TBC1D19: variants seen among roughly 807,000 people sequenced by gnomAD.
TBC1D19 encodes the protein TBC1 domain family, member 19.
TBC1D19 carries 60 observed loss-of-function variants against 89.0 expected under a neutral mutation model. The ratio of observed to expected loss-of-function variants is 0.67; its 90% CI spans 0.55 to 0.84. The LOEUF is 0.84. TBC1D19 is among the 40% of genes least tolerant of loss of function. The pLI is 0.00. For missense variants in TBC1D19, 500 were observed against 610.8 expected, an observed-to-expected ratio of 0.82 and a Z score of 1.91; for synonymous variants, 189 against 199.7, an observed-to-expected ratio of 0.95 and a Z score of 0.45.
chr4:26,691,516 C>T (rs1399569264), intron 13 of TBC1D19, among the ~76,000 whole-genome samples: 1 of 152,162 alleles, frequency 6.6e-6, no homozygotes, highest in Non-Finnish European at 1.5e-5. Context: ...CAGTTAGCAG[C>T]CATACACATT....
chr4:26,688,279 G>A (rs1409535508), intron 12 of TBC1D19, 66 bp from the exon 13 acceptor site: 2 of 1,482,682 alleles, frequency 1.3e-6, no homozygotes, highest in African/African-American at 1.4e-5. Flanking sequence ...AAATACATGT[G>A]TATGCTTTAG....
At chr4:26,840,237 A>T in the TBC1D19 span, among the ~76,000 whole-genome samples, 1 of 151,914 alleles carries the variant, frequency 6.6e-6, no homozygotes, top group Non-Finnish European at 1.5e-5. Flanking sequence ...GCCCACCATC[A>T]TGCCCAGCCA....
Position 26,659,693 on chromosome 4 carries a change from G to T in TBC1D19, c.577G>T (p.Asp193Tyr), listed in dbSNP as rs750568010. Residue 193 changes from aspartate to tyrosine, a missense_variant, in exon 8 of 21, where the codon GAC (aspartate) becomes TAC (tyrosine). By Grantham distance (160) the Asp-to-Tyr change is radical (BLOSUM62 -3). Transcript: ENST00000264866. Reference protein sequence around the residue: ...GLIQVPLKVKDIPELKECFVE... With the variant: ...GLIQVPLKVKYIPELKECFVE... ...AATTCAAGTTCCACTGAAAGTAAAA[G>T]ACATCCCTGAATTGGTAAGTATAGA... is the stretch of plus-strand genomic sequence containing the variant. The T allele has an allele frequency of 1.3e-5, 20 of 1,577,760 alleles. No homozygotes were observed. In the South Asian group the frequency reaches 2.3e-4, roughly 18 times the overall value.
chr4:26,765,761 A>T, the TBC1D19 span, among the ~76,000 whole-genome samples: 1 of 152,010 alleles, frequency 6.6e-6, no homozygotes, highest in Admixed American at 6.6e-5. Context: ...CTCTATCACT[A>T]CACTAGTTTG....
chr4:26,741,095 G>A (rs886339320), intron 17 of TBC1D19, among the ~76,000 whole-genome samples: 1 of 152,002 alleles, frequency 6.6e-6, no homozygotes, highest in African/African-American at 2.4e-5. Flanking sequence ...GGTGGCTCAC[G>A]CCTGTAATCC....
intron 1 of TBC1D19, among the ~76,000 whole-genome samples, chr4:26,593,533 A>G (rs1158671295): frequency 1.3e-5 from 2 of 152,234 alleles, no homozygotes; most frequent in Non-Finnish European, 2.9e-5. Context: ...AAAAGAAACT[A>G]CCGTCAGAGT....
At chr4:26,765,164 C>T in the TBC1D19 span, among the ~76,000 whole-genome samples, 7 of 151,674 alleles carry the variant, frequency 4.6e-5, no homozygotes, top group Non-Finnish European at 8.8e-5. Context: ...AGGATGGAGG[C>T]GGAAGAGTAG....
the TBC1D19 span, among the ~76,000 whole-genome samples, chr4:26,787,672 T>G: frequency 7.2e-5 from 11 of 152,218 alleles, no homozygotes; most frequent in African/African-American, 2.6e-4. Context: ...GCTTTTCATG[T>G]CAAGTCACGA....
chr4:26,591,579 A>G (rs564638451), intron 1 of TBC1D19, among the ~76,000 whole-genome samples: 7 of 152,330 alleles, frequency 4.6e-5, no homozygotes, highest in Admixed American at 1.3e-4. Flanking sequence ...AACAAAATTG[A>G]TAGACCACTA....
At chr4:26,642,368 C>G (rs905146275) in intron 7 of TBC1D19, among the ~76,000 whole-genome samples, 6 of 152,168 alleles carry the variant, frequency 3.9e-5, no homozygotes, top group Non-Finnish European at 8.8e-5. Context: ...CCTTTACAGA[C>G]AAGCAAATAC....
the TBC1D19 span, among the ~76,000 whole-genome samples, chr4:26,851,324 T>TCTGTCTGTCTATCTATCTAG: frequency 6.6e-6 from 1 of 151,152 alleles, no homozygotes; most frequent in Admixed American, 6.6e-5. Context: ...TATCTATCTA[T>TCTGTCTGTCTATCTATCTAG]CTATCTATCT....
intron 3 of TBC1D19, among the ~76,000 whole-genome samples, chr4:26,618,062 G>A (rs535765785): frequency 5.9e-5 from 9 of 152,150 alleles, no homozygotes; most frequent in Non-Finnish European, 1.3e-4. Context: ...CCTCTGAAAC[G>A]TCCTAAACAT....
intron 18 of TBC1D19, among the ~76,000 whole-genome samples, chr4:26,744,955 G>A (rs970955024): frequency 6.6e-6 from 1 of 152,104 alleles, no homozygotes; most frequent in African/African-American, 2.4e-5. Context: ...TATTGAAAGA[G>A]AAATGTGATC....
chr4:26,634,142 C>G (rs1023026458), intron 4 of TBC1D19, among the ~76,000 whole-genome samples: 3 of 151,344 alleles, frequency 2.0e-5, no homozygotes, highest in Non-Finnish European at 4.4e-5. Context: ...TCATGAATTT[C>G]CTTTTCTTTT....
intron 7 of TBC1D19, among the ~76,000 whole-genome samples, chr4:26,648,468 G>A (rs187947141): frequency 1.8e-3 from 271 of 152,242 alleles, no homozygotes; most frequent in African/African-American, 6.2e-3. Context: ...GGTATTTCTG[G>A]AGATTAGCAT....
chr4:26,653,898 G>A (rs1744593313), intron 7 of TBC1D19, among the ~76,000 whole-genome samples: 1 of 152,138 alleles, frequency 6.6e-6, no homozygotes, highest in Non-Finnish European at 1.5e-5. Context: ...TGTTATGTGT[G>A]GATTTGATCC....
chr4:26,788,605 C>A, the TBC1D19 span, among the ~76,000 whole-genome samples: 1 of 152,210 alleles, frequency 6.6e-6, no homozygotes, highest in Non-Finnish European at 1.5e-5. Flanking sequence ...AGGCCTCTTT[C>A]TGCTGCCCTG....
At chr4:26,664,362 T>A (rs748457816) in intron 8 of TBC1D19, among the ~76,000 whole-genome samples, 2 of 152,224 alleles carry the variant, frequency 1.3e-5, no homozygotes, top group Non-Finnish European at 2.9e-5. Context: ...AGGAAATTGA[T>A]GTCCAGAGTT....
chr4:26,769,566 A>G, the TBC1D19 span, among the ~76,000 whole-genome samples: 2 of 151,482 alleles, frequency 1.3e-5, no homozygotes, highest in East Asian at 3.9e-4. Flanking sequence ...TTTTTGAGAC[A>G]GGGGCTTGCT....
Sources: gnomAD v4.1 joint callset for allele counts (sites outside exome capture counted in the v4.1 genomes callset) on GRCh38, gnomAD v4.1.1 for gene constraint, MANE v1.5 for transcripts, NCBI Gene and HGNC (gene_info 2026-07-23, HGNC 2026-07-21) for gene names.